GPC6: variants seen among roughly 807,000 people sequenced by gnomAD.
GPC6 encodes glypican-6.
In GPC6, 14 loss-of-function variants were observed where a neutral mutation model predicts 55.2. That is an observed-to-expected ratio of 0.25 (90% CI 0.17 to 0.40). The LOEUF (loss-of-function observed/expected upper bound fraction) is 0.40. Among genes scored for constraint, GPC6 ranks in the 10% least tolerant of loss-of-function variants. The pLI is 1.00. For synonymous variants in GPC6, 278 were observed against 259.6 expected (o/e 1.07, Z -0.68); for missense variants, 641 against 708.5 (o/e 0.90, Z 1.08).
the GPC6 span, among the ~76,000 whole-genome samples, chr13:93,220,602 G>A: frequency 6.9e-4 from 105 of 152,196 alleles, no homozygotes; most frequent in African/African-American, 2.0e-3. Context: ...ATTGTCAAAC[G>A]CATCTATTAA....
intron 4 of GPC6, among the ~76,000 whole-genome samples, chr13:94,260,075 G>C (rs146619859): frequency 6.6e-6 from 1 of 152,076 alleles, no homozygotes; most frequent in Non-Finnish European, 1.5e-5. Context: ...GGACAAACGG[G>C]ATGTTCTTAA....
chr13:94,330,693 C>A (rs1877364303), intron 6 of GPC6, among the ~76,000 whole-genome samples: 1 of 152,150 alleles, frequency 6.6e-6, no homozygotes, highest in African/African-American at 2.4e-5. Context: ...CAGCTCAAAT[C>A]CTTGTCTGTT....
At chr13:93,715,454 A>G (rs1184740757) in intron 2 of GPC6, among the ~76,000 whole-genome samples, 1 of 151,438 alleles carries the variant, frequency 6.6e-6, no homozygotes, top group East Asian at 2.0e-4. Context: ...ACTGAGTACT[A>G]CTAAAGAGGG....
intron 2 of GPC6, among the ~76,000 whole-genome samples, chr13:93,759,299 TTA>T (rs913253237): frequency 1.7e-4 from 26 of 152,254 alleles, no homozygotes; most frequent in African/African-American, 6.0e-4. Context: ...CCCACTTGGG[TTA>T]TGTGTGGCAC....
chr13:93,497,600 T>TA (rs1418176123), intron 1 of GPC6, among the ~76,000 whole-genome samples: 1 of 152,208 alleles, frequency 6.6e-6, no homozygotes, highest in African/African-American at 2.4e-5. Context: ...AAATGAAGGC[T>TA]AAAAAGAAAC....
At chr13:93,781,919 T>C (rs1885665149) in intron 2 of GPC6, among the ~76,000 whole-genome samples, 1 of 152,186 alleles carries the variant, frequency 6.6e-6, no homozygotes, top group African/African-American at 2.4e-5. Flanking sequence ...TTAGCATATG[T>C]ATTATCATAT....
chr13:94,282,412 A>T (rs1892409365), intron 4 of GPC6, among the ~76,000 whole-genome samples: 1 of 152,174 alleles, frequency 6.6e-6, no homozygotes, highest in Non-Finnish European at 1.5e-5. Flanking sequence ...CTGTCATGAG[A>T]ACAGCATGAG....
chr13:93,588,352 CAA>C (rs377027214), intron 2 of GPC6, among the ~76,000 whole-genome samples: 95 of 151,628 alleles, frequency 6.3e-4, no homozygotes, highest in African/African-American at 2.1e-3. Flanking sequence ...GCTTTTAAAA[CAA>C]GAGTGGCTAT....
chr13:93,707,484 T>C (rs1882893937), intron 2 of GPC6, among the ~76,000 whole-genome samples: 1 of 151,832 alleles, frequency 6.6e-6, no homozygotes, highest in African/African-American at 2.4e-5. Context: ...GGCACATGAA[T>C]ACTTCTAGTA....
At chr13:93,419,622 T>A (rs1269645140) in intron 1 of GPC6, among the ~76,000 whole-genome samples, 1 of 152,132 alleles carries the variant, frequency 6.6e-6, no homozygotes, top group Non-Finnish European at 1.5e-5. Context: ...TAATACAGCA[T>A]CTCCATGCGG....
At chr13:94,267,523 C>G (rs1594113211) in intron 4 of GPC6, among the ~76,000 whole-genome samples, 1 of 152,166 alleles carries the variant, frequency 6.6e-6, no homozygotes, top group South Asian at 2.1e-4. Flanking sequence ...AACCACTAGC[C>G]TTTCTCAGAA....
chr13:93,479,061 A>T (rs1408573650), intron 1 of GPC6, among the ~76,000 whole-genome samples: 1 of 152,198 alleles, frequency 6.6e-6, no homozygotes, highest in Non-Finnish European at 1.5e-5. Context: ...TGAACCAGAC[A>T]TCTAGATTTT....
At chr13:93,796,785 T>G (rs112702856) in intron 2 of GPC6, among the ~76,000 whole-genome samples, 7 of 152,278 alleles carry the variant, frequency 4.6e-5, no homozygotes, top group African/African-American at 1.7e-4. Flanking sequence ...ACGTATTGGA[T>G]TCTATGGTGC....
At chr13:93,617,135 G>A (rs1319049592) in intron 2 of GPC6, among the ~76,000 whole-genome samples, 1 of 151,988 alleles carries the variant, frequency 6.6e-6, no homozygotes, top group African/African-American at 2.4e-5. Flanking sequence ...GATGATGATA[G>A]GAAGACAAAG....
chr13:94,272,443 C>CT (rs1217993346), intron 4 of GPC6, among the ~76,000 whole-genome samples: 3 of 111,886 alleles, frequency 2.7e-5, no homozygotes, highest in African/African-American at 1.2e-4. Context: ...GCTTCTTTTT[C>CT]TTTTCTTTTC....
Position 94,199,478 on chromosome 13 carries a change from T to C in GPC6, c.878-86871T>C, listed in dbSNP as rs570761854. 2.9e-4 allele frequency among the ~76,000 whole-genome samples: 44 copies of C among 152,266 alleles called. 1 individual carries two copies. Among genetic ancestry groups the C allele is most frequent in the Admixed American group, 1.3e-3 (20 of 15,294 alleles). On this transcript the variant is annotated intron_variant, in intron 4 of 8. Transcript: ENST00000377047. ...TCCTATGAGCTTCAGTTTCCTCATC[T>C]GTAAATTTGGAACAATAACATTCAC...
At position 94,138,086 on chromosome 13, in the gene GPC6, A is replaced by G. The variant is rs547408149; in HGVS notation, c.877+110192A>G. ...TACATGTACAGGTTGAGCATCCCAA[A>G]TATGAAAATCTGAAATATGAAATGC... On this transcript the variant is annotated intron_variant, in intron 4 of 8. Transcript: ENST00000377047. 1.1e-4 allele frequency among the ~76,000 whole-genome samples: 16 copies of G among 152,218 alleles called. 1 individual carries two copies. The highest frequency in any genetic ancestry group is 2.2e-4 in the Non-Finnish European group (15 of 68,042).
At chr13:93,219,011 ATTTTTGAG>A in the GPC6 span, among the ~76,000 whole-genome samples, 1 of 149,850 alleles carries the variant, frequency 6.7e-6, no homozygotes, top group African/African-American at 2.5e-5. Flanking sequence ...TTCCATTAAG[ATTTTTGAG>A]TTTTTCTTTG....
chr13:94,082,297 T>C (rs919951556), intron 4 of GPC6, among the ~76,000 whole-genome samples: 3 of 152,156 alleles, frequency 2.0e-5, no homozygotes, highest in Non-Finnish European at 4.4e-5. Context: ...TAAGACTTCC[T>C]ACCTGGGTTC....
Sources: allele counts gnomAD v4.1 joint callset (sites outside exome capture counted in the v4.1 genomes callset), GRCh38; gene constraint gnomAD v4.1.1; transcripts MANE v1.5; gene names NCBI Gene and HGNC (gene_info 2026-07-23, HGNC 2026-07-21).